Variants in PDE1C observed in about 807,000 individuals in gnomAD.
PDE1C encodes the protein phosphodiesterase 1C, also known as dual specificity calcium/calmodulin-dependent 3',5'-cyclic nucleotide phosphodiesterase 1C.
PDE1C carries 62 observed loss-of-function variants against 93.1 expected under a neutral mutation model. The ratio of observed to expected loss-of-function variants is 0.67; its 90% confidence interval spans 0.54 to 0.82. The LOEUF (loss-of-function observed/expected upper bound fraction) is 0.82, where lower values mean the gene tolerates loss of function less well. Ranked by LOEUF, PDE1C falls within the 40% of genes least tolerant of loss-of-function variation. The probability of loss-of-function intolerance (pLI) is 0.00; values close to 1 mark genes in which losing one functional copy is unlikely to be tolerated. For missense variants in PDE1C, 742 were observed against 884.6 expected (o/e 0.84, Z 2.04); for synonymous variants, 325 against 310.1 (o/e 1.05, Z -0.50).
chr7:32,273,043 G>C (rs778419214), intron 1 of PDE1C, among the ~76,000 whole-genome samples: 1 of 152,196 alleles, frequency 6.6e-6, no homozygotes, highest in South Asian at 2.1e-4. Flanking sequence ...TTGAAATGGA[G>C]ATGGAGGTGA....
At chr7:32,062,542 A>G (rs1482441119) in intron 1 of PDE1C, among the ~76,000 whole-genome samples, 2 of 152,160 alleles carry the variant, frequency 1.3e-5, no homozygotes, top group African/African-American at 2.4e-5. Flanking sequence ...TACAATTTAC[A>G]TAATCTTCAT....
intron 2 of PDE1C, among the ~76,000 whole-genome samples, chr7:31,889,817 G>C (rs1230399184): frequency 1.3e-5 from 2 of 152,186 alleles, no homozygotes; most frequent in African/African-American, 4.8e-5. Flanking sequence ...TCCATTTTGA[G>C]CAATAATATT....
At chr7:32,052,310 G>T (rs906110599) in intron 1 of PDE1C, 2 of 485,704 alleles carry the variant, frequency 4.1e-6, no homozygotes, top group Admixed American at 2.1e-5. Context: ...TGTGCATCAG[G>T]CTTCTTAATC....
chr7:31,825,680 G>A (rs1789563070), intron 12 of PDE1C, among the ~76,000 whole-genome samples: 1 of 152,110 alleles, frequency 6.6e-6, no homozygotes, highest in African/African-American at 2.4e-5. Flanking sequence ...AGAAGCTATT[G>A]CAATTGTTTA....
intron 1 of PDE1C, among the ~76,000 whole-genome samples, chr7:32,236,383 A>G (rs1808080312): frequency 6.6e-6 from 1 of 152,208 alleles, no homozygotes; most frequent in Non-Finnish European, 1.5e-5. Context: ...ATAGCCTGGG[A>G]GAAAATATTT....
intron 1 of PDE1C, among the ~76,000 whole-genome samples, chr7:32,061,129 C>G (rs1213286096): frequency 6.6e-6 from 1 of 152,176 alleles, no homozygotes. Flanking sequence ...TGGTTGGAAT[C>G]TGGATAAACA....
chr7:31,624,688 T>A, the PDE1C span, among the ~76,000 whole-genome samples: 2 of 150,120 alleles, frequency 1.3e-5, no homozygotes, highest in African/African-American at 4.9e-5. Flanking sequence ...AACCTAGGCA[T>A]TACCATTCAG....
rs575896243 is a variant in PDE1C, at chr7:32,389,157, CGTGTGTGTGTGTGT to C, written c.310+38651_310+38664del. On this transcript the variant is annotated intron_variant, in intron 1 of 1. Coordinates refer to the PDE1C transcript ENST00000672256. ...GAACAACCTTTAAACTGATAGCTGA[CGTGTGTGTGTGTGT>C]GTGTGTGTGTGTGTGTGTGGTTTTT... Among the ~76,000 whole-genome samples the C allele has an allele frequency of 8.1e-5, 11 of 135,782 alleles. No individual in the cohort carries two copies. In the South Asian group the frequency reaches 1.0e-3, roughly 12 times the overall value. The allele number at this position is 135,782 out of a possible 152,430, so 89.1% of individuals were successfully genotyped here. A position where few individuals can be genotyped will look rare whatever the true frequency, so the allele number is the denominator to read the frequency against.
At chr7:31,879,279 G>A in intron 3 of PDE1C, 101 bp from the exon 4 acceptor site, 2 of 1,150,438 alleles carry the variant, frequency 1.7e-6, no homozygotes, top group East Asian at 2.5e-5. Context: ...CATGTTAGGT[G>A]CAAAGAAACC....
chr7:32,201,237 G>A (rs905653186), intron 2 of PDE1C, among the ~76,000 whole-genome samples: 2 of 152,282 alleles, frequency 1.3e-5, no homozygotes, highest in East Asian at 1.9e-4. Context: ...AGGTTTTCAG[G>A]TTATCCTCGT....
chr7:31,805,186 T>C (rs1479053239), intron 16 of PDE1C, among the ~76,000 whole-genome samples: 1 of 151,696 alleles, frequency 6.6e-6, no homozygotes, highest in East Asian at 2.0e-4. Flanking sequence ...TGTGAGTCCA[T>C]TAAACTTCTC....
At chr7:32,337,834 A>T (rs565060408) in intron 1 of PDE1C, among the ~76,000 whole-genome samples, 1 of 152,300 alleles carries the variant, frequency 6.6e-6, no homozygotes, top group Non-Finnish European at 1.5e-5. Context: ...CTAGTCATTG[A>T]AGTCAAAGCA....
chr7:32,052,259 C>A (rs551957988), intron 1 of PDE1C: 11 of 468,396 alleles, frequency 2.3e-5, no homozygotes. Context: ...CAGTTCCAGC[C>A]CACGTCTGTT....
chr7:31,663,056 T>C, the PDE1C span, among the ~76,000 whole-genome samples: 1 of 152,168 alleles, frequency 6.6e-6, no homozygotes, highest in Admixed American at 6.5e-5. Flanking sequence ...TGTATGCCAC[T>C]TATAACTCCC....
chr7:32,102,193 TAGAA>T, intron 3 of PDE1C, among the ~76,000 whole-genome samples: 1 of 152,258 alleles, frequency 6.6e-6, no homozygotes, highest in East Asian at 1.9e-4. Flanking sequence ...TTATAGTAGT[TAGAA>T]AGGCAGAATC....
intron 1 of PDE1C, among the ~76,000 whole-genome samples, chr7:32,067,379 C>T (rs1176262767): frequency 1.3e-5 from 2 of 152,118 alleles, no homozygotes; most frequent in African/African-American, 4.8e-5. Flanking sequence ...CTGGAGGAGA[C>T]AGACAATAAA....
At chr7:31,736,647 G>A in the PDE1C span, among the ~76,000 whole-genome samples, 1 of 152,198 alleles carries the variant, frequency 6.6e-6, no homozygotes, top group African/African-American at 2.4e-5. Flanking sequence ...CACTGATTTG[G>A]AATCTGCGTG....
chr7:32,200,888 T>A (rs970523840), intron 2 of PDE1C, among the ~76,000 whole-genome samples: 3 of 152,172 alleles, frequency 2.0e-5, no homozygotes, highest in Non-Finnish European at 4.4e-5. Flanking sequence ...TACAAATATT[T>A]TTGGAAAACA....
At chr7:31,931,689 A>G (rs887314024) in intron 2 of PDE1C, among the ~76,000 whole-genome samples, 5 of 152,228 alleles carry the variant, frequency 3.3e-5, no homozygotes, top group Non-Finnish European at 1.5e-5. Flanking sequence ...ATTCAATGCT[A>G]TTCCCATTAA....
Sources: gnomAD v4.1 joint callset for allele counts (sites outside exome capture counted in the v4.1 genomes callset) on GRCh38, gnomAD v4.1.1 for gene constraint, MANE v1.5 for transcripts, NCBI Gene and HGNC (gene_info 2026-07-23, HGNC 2026-07-21) for gene names.